CAMTA1: variants seen among roughly 807,000 people sequenced by gnomAD.
CAMTA1 encodes the protein calmodulin-binding transcription activator 1.
A neutral mutation model predicts 170.9 loss-of-function variants in CAMTA1; 27 were observed. The observed-to-expected ratio is 0.16, with a 90% CI of 0.12 to 0.22. The LOEUF (loss-of-function observed/expected upper bound fraction) is 0.22, where lower values mean the gene tolerates loss of function less well. CAMTA1 is among the 10% of genes least tolerant of loss of function. The pLI is 1.00. For synonymous variants in CAMTA1, 833 were observed against 891.5 expected (o/e 0.93, Z 1.17); for missense variants, 1,619 against 2,217.2 (o/e 0.73, Z 5.42).
intron 5 of CAMTA1, among the ~76,000 whole-genome samples, chr1:7,270,215 A>G (rs1346174554): frequency 1.9e-5 from 2 of 105,068 alleles, no homozygotes; most frequent in Admixed American, 1.1e-4. Context: ...ATATATATAC[A>G]TATATACATA....
intron 6 of CAMTA1, among the ~76,000 whole-genome samples, chr1:7,582,734 C>T (rs369967404): frequency 2.6e-5 from 4 of 152,056 alleles, no homozygotes; most frequent in South Asian, 2.1e-4. Flanking sequence ...ATACTACTTT[C>T]GCTCACAAAC....
intron 4 of CAMTA1, among the ~76,000 whole-genome samples, chr1:7,211,185 TA>T (rs1477993344): frequency 6.6e-6 from 1 of 152,228 alleles, no homozygotes; most frequent in Non-Finnish European, 1.5e-5. Flanking sequence ...ACTTCATCCA[TA>T]AACACTTTGG....
intron 4 of CAMTA1, among the ~76,000 whole-genome samples, chr1:7,213,524 T>C (rs1251656568): frequency 6.6e-6 from 1 of 152,070 alleles, no homozygotes; most frequent in African/African-American, 2.4e-5. Context: ...TTCTGAGAGG[T>C]GGTTTGCAAA....
chr1:7,699,296 C>G (rs749339302), intron 11 of CAMTA1, among the ~76,000 whole-genome samples: 16 of 152,256 alleles, frequency 1.1e-4, no homozygotes, highest in Admixed American at 2.0e-4. Flanking sequence ...AGCTCCCCCC[C>G]ACCACCCTCC....
intron 5 of CAMTA1, among the ~76,000 whole-genome samples, chr1:7,396,771 G>T (rs2089343148): frequency 6.6e-6 from 1 of 152,088 alleles, no homozygotes; most frequent in Non-Finnish European, 1.5e-5. Context: ...TTTTGTCCTT[G>T]ATTATGTTAA....
chr1:7,246,293 A>G (rs1202459348), intron 4 of CAMTA1, among the ~76,000 whole-genome samples: 1 of 152,228 alleles, frequency 6.6e-6, no homozygotes, highest in African/African-American at 2.4e-5. Flanking sequence ...GATGCCAATA[A>G]TATGGATCAT....
At chr1:7,757,711 G>C (rs2096941051) in intron 22 of CAMTA1, among the ~76,000 whole-genome samples, 1 of 152,064 alleles carries the variant, frequency 6.6e-6, no homozygotes, top group Non-Finnish European at 1.5e-5. Flanking sequence ...ACTCCAGCCT[G>C]GGCGACAGAG....
chr1:7,633,344 G>A lies in CAMTA1; in HGVS notation c.511-7056G>A, dbSNP rs1400702011. Among the ~76,000 whole-genome samples, 1 of 152,178 alleles carries A rather than the reference G, an allele frequency of 6.6e-6. No homozygotes were observed. Among genetic ancestry groups the A allele is most frequent in the Non-Finnish European group, 1.5e-5 (1 of 68,028 alleles). ...TTTCCAGGAGGCACAGCTGGGTTAA[G>A]GGACAAGCTGAACTTCCCTCAGAGA... On this transcript the variant is annotated intron_variant, in intron 6 of 22. Transcript: ENST00000303635. The surrounding 1 kb of genome is among the most constrained non-coding windows in gnomAD (Gnocchi z 4.1).
chr1:7,147,529 TCAAA>T (rs1166030605), intron 4 of CAMTA1, among the ~76,000 whole-genome samples: 2 of 139,662 alleles, frequency 1.4e-5, no homozygotes, highest in African/African-American at 2.7e-5. Context: ...ACTCACACAC[TCAAA>T]CATACACTAT....
intron 3 of CAMTA1, among the ~76,000 whole-genome samples, chr1:6,946,459 C>G (rs2149454306): frequency 6.6e-6 from 1 of 152,228 alleles, no homozygotes; most frequent in South Asian, 2.1e-4. Flanking sequence ...CACACAGTGC[C>G]AGGATTACAG....
intron 6 of CAMTA1, among the ~76,000 whole-genome samples, chr1:7,605,898 T>C (rs1332881320): frequency 6.6e-6 from 1 of 152,222 alleles, no homozygotes; most frequent in Non-Finnish European, 1.5e-5. Context: ...CTGGGTTCTG[T>C]GGCCTAGTCA....
At chr1:6,883,465 G>A (rs1038077863) in intron 3 of CAMTA1, among the ~76,000 whole-genome samples, 12 of 152,124 alleles carry the variant, frequency 7.9e-5, no homozygotes, top group African/African-American at 2.9e-4. Flanking sequence ...AGGGCAGGGA[G>A]TTGGATTTAA....
chr1:7,649,723 C>T (rs1213521332), intron 7 of CAMTA1, among the ~76,000 whole-genome samples: 7 of 152,168 alleles, frequency 4.6e-5, no homozygotes, highest in Non-Finnish European at 7.4e-5. Flanking sequence ...GTCTTGCTGC[C>T]CAGGGCCGCT....
At chr1:7,411,848 A>G (rs1483545945) in intron 5 of CAMTA1, among the ~76,000 whole-genome samples, 51 of 151,884 alleles carry the variant, frequency 3.4e-4, no homozygotes, top group South Asian at 2.1e-3. Flanking sequence ...ATGTTGGTGT[A>G]CTGCAACCAT....
intron 6 of CAMTA1, among the ~76,000 whole-genome samples, chr1:7,517,610 T>C (rs79599465): frequency 0.012 from 1,873 of 150,492 alleles, 78 homozygotes; most frequent in African/African-American, 0.045. Flanking sequence ...AGATATGAAG[T>C]CTCAAGAAGG....
At chr1:7,572,531 G>A (rs1404321877) in intron 6 of CAMTA1, among the ~76,000 whole-genome samples, 1 of 152,116 alleles carries the variant, frequency 6.6e-6, no homozygotes, top group Non-Finnish European at 1.5e-5. Flanking sequence ...ATATAAGGAA[G>A]GAGTCCAGTT....
At chr1:6,791,112 C>CTT (rs35656164) in intron 1 of CAMTA1, among the ~76,000 whole-genome samples, 1 of 129,122 alleles carries the variant, frequency 7.7e-6, no homozygotes, top group East Asian at 2.2e-4. Context: ...GTACCCTGTC[C>CTT]TTTTTTTTTT....
Position 6,887,998 on chromosome 1 carries a change from A to G in CAMTA1, c.234+62788A>G, listed in dbSNP as rs1454621114. 15 of 1,159,244 alleles carry G rather than the reference A, an allele frequency of 1.3e-5. No homozygotes were observed. Among genetic ancestry groups the G allele is most frequent in the Middle Eastern group, 3.7e-4 (1 of 2,676 alleles). 71.8% of individuals were successfully genotyped at this position (1,159,244 alleles called of 1,614,324 possible). A position where few individuals can be genotyped will look rare whatever the true frequency, so the allele number is the denominator to read the frequency against. On this transcript the variant is annotated intron_variant, in intron 3 of 22. Transcript: ENST00000303635. The surrounding 1 kb of genome is among the most constrained non-coding windows in gnomAD (Gnocchi z 4.1). ...GGTCCAGAGGCCTCCGTGACCATCC[A>G]TGATGCCACTCTGTCCCCTCAGCAA... is the stretch of plus-strand genomic sequence containing the variant.
Position 7,044,821 on chromosome 1 carries a change from C to T in CAMTA1, c.235-46483C>T, listed in dbSNP as rs1032043928. Among the ~76,000 whole-genome samples the T allele has an allele frequency of 1.3e-5, 2 of 151,230 alleles. No individual in the cohort carries two copies. Among genetic ancestry groups the T allele is most frequent in the Non-Finnish European group, 2.9e-5 (2 of 67,830 alleles). ...GTCCTCTCCCCCACTCCCTCCTCTT[C>T]CCGCCTGTGGTTTTCTTTCCCATTC... is the stretch of plus-strand genomic sequence containing the variant. On this transcript the variant is annotated intron_variant, in intron 3 of 22. Coordinates refer to ENST00000303635, the MANE Select transcript of CAMTA1 (RefSeq NM_015215.4). This position sits in a 1 kb window ranked among gnomAD's most constrained non-coding sequence, Gnocchi z 5.0.
Sources: gnomAD v4.1 joint callset for allele counts (sites outside exome capture counted in the v4.1 genomes callset) on GRCh38, gnomAD v4.1.1 for gene constraint, Gnocchi (gnomAD v3.1) non-coding constraint, MANE v1.5 for transcripts, NCBI Gene and HGNC (gene_info 2026-07-23, HGNC 2026-07-21) for gene names.